Variants in LIN54 observed in about 807,000 individuals in gnomAD.
LIN54 encodes lin-54 DREAM MuvB core complex component.
A neutral mutation model predicts 78.7 loss-of-function variants in LIN54; 9 were observed. The observed-to-expected ratio is 0.11, with a 90% CI of 0.07 to 0.20. The LOEUF (loss-of-function observed/expected upper bound fraction) is 0.20. Ranked by LOEUF, LIN54 falls within the 10% of genes least tolerant of loss-of-function variation. LIN54 has a pLI of 1.00. For missense variants in LIN54, 573 were observed against 889.9 expected (o/e 0.64, Z 4.53); for synonymous variants, 269 against 318.4 (o/e 0.84, Z 1.65).
At chr4:82,936,414 T>C in intron 9 of LIN54, 33 bp from the exon 10 acceptor site, 1 of 1,195,244 alleles carries the variant, frequency 8.4e-7, no homozygotes, top group Non-Finnish European at 1.2e-6. Flanking sequence ...AGGTAAAAAG[T>C]CATTATTAAG....
At chr4:83,010,931 G>A (rs537940227), upstream of LIN54, 93 of 898,074 alleles carry the variant, frequency 1.0e-4, no homozygotes, top group Admixed American at 2.6e-3. Context: ...AAACGCACAA[G>A]GGCCGTGCAA....
At position 82,927,543 on chromosome 4, in the gene LIN54, C is replaced by T. The variant is rs114679245; in HGVS notation, c.*559G>A. 0.011 allele frequency: 1,643 copies of T among 152,308 alleles called. 15 individuals carry two copies. The highest frequency in any genetic ancestry group is 0.017 in the Non-Finnish European group (1,148 of 67,998). The allele number at this position is 152,308 out of a possible 1,614,324, so 9.4% of individuals were successfully genotyped here. A position where few individuals can be genotyped will look rare whatever the true frequency, so the allele number is the denominator to read the frequency against. ...TTTTTAGTGTGCCTGGGGATTGTTT[C>T]CCCTTCTGACATTCCCAAAGTGACA... is the stretch of plus-strand genomic sequence containing the variant. On this transcript the variant is annotated 3_prime_UTR_variant, in exon 13 of 13. Coordinates refer to ENST00000340417, the MANE Select transcript of LIN54 (RefSeq NM_194282.4).
intron 4 of LIN54, among the ~76,000 whole-genome samples, chr4:82,947,235 A>ATATGTATATT: frequency 2.3e-5 from 1 of 44,292 alleles, no homozygotes; most frequent in African/African-American, 1.0e-4. Flanking sequence ...ATATATATAT[A>ATATGTATATT]TTTTTTTTTT....
intron 3 of LIN54, 76 bp downstream of exon 3, chr4:82,978,807 T>C (rs1352458924): frequency 1.3e-4 from 118 of 909,602 alleles, no homozygotes; most frequent in Non-Finnish European, 1.8e-4. Flanking sequence ...TAAAACATTT[T>C]AAGTTGGCAG....
chr4:82,984,371 A>G lies in LIN54; in HGVS notation c.474T>C (p.His158=), dbSNP rs780878120. The G allele has an allele frequency of 2.5e-6, 4 of 1,614,162 alleles. No homozygotes were observed. The highest frequency in any genetic ancestry group is 3.4e-6 in the Non-Finnish European group (4 of 1,180,026). The change falls in exon 2 of 13, where the codon CAT becomes CAC. Residue 158 remains histidine (H), a synonymous_variant. Transcript: ENST00000340417. The stretch of plus-strand genomic sequence containing the variant: ...CTTTCTGAGCCTGGGGTAGTTGGCT[A>G]TGGGGTAGTGCTAAAACAATTGGTG... ...SGSPIVLALP[H]SQLPQAQKVT...
chr4:83,006,142 A>G (rs1729341679), intron 1 of LIN54, among the ~76,000 whole-genome samples: 1 of 114,868 alleles, frequency 8.7e-6, no homozygotes, highest in Non-Finnish European at 2.1e-5. Flanking sequence ...GGACGTAGGG[A>G]GGGGATCAAT....
chr4:82,953,378 G>C lies in LIN54; in HGVS notation c.952-6904C>G, dbSNP rs116176722. ...GAGATGGATGGTTGTGATACTTACA[G>C]AACAATATGAATGTACTTAATATCA... On this transcript the variant is annotated intron_variant, in intron 4 of 12. Transcript: ENST00000340417. 6.8e-3 allele frequency among the ~76,000 whole-genome samples: 1,042 copies of C among 152,222 alleles called. 16 individuals carry two copies. Among genetic ancestry groups the C allele is most frequent in the African/African-American group, 0.024 (1,003 of 41,514 alleles).
At chr4:82,947,223 A>ATT (rs1339545376) in intron 4 of LIN54, among the ~76,000 whole-genome samples, 2 of 17,516 alleles carry the variant, frequency 1.1e-4, no homozygotes, top group African/African-American at 3.5e-4. Context: ...ATATATATAT[A>ATT]TATATATATA....
chr4:82,947,223 A>ATTTT (rs1339545376), intron 4 of LIN54, among the ~76,000 whole-genome samples: 486 of 17,452 alleles, frequency 0.028, 20 homozygotes, highest in African/African-American at 0.084. Flanking sequence ...ATATATATAT[A>ATTTT]TATATATATA....
At chr4:82,966,792 T>TA (rs1220258861) in intron 4 of LIN54, among the ~76,000 whole-genome samples, 1 of 152,040 alleles carries the variant, frequency 6.6e-6, no homozygotes, top group African/African-American at 2.4e-5. Flanking sequence ...GTATTTTTAG[T>TA]AGAGACAGGG....
At chr4:83,008,982 A>G (rs1729640583) in intron 1 of LIN54, among the ~76,000 whole-genome samples, 1 of 152,232 alleles carries the variant, frequency 6.6e-6, no homozygotes, top group African/African-American at 2.4e-5. Flanking sequence ...TGGGTCAAAT[A>G]ACTGCAACAT....
intron 1 of LIN54, among the ~76,000 whole-genome samples, chr4:82,999,412 A>T (rs1243650829): frequency 6.6e-6 from 1 of 152,218 alleles, no homozygotes. Flanking sequence ...CAGTTACACC[A>T]GCAGATACGA....
intron 1 of LIN54, among the ~76,000 whole-genome samples, chr4:82,999,770 T>A (rs537272412): frequency 2.7e-3 from 271 of 99,118 alleles, no homozygotes; most frequent in African/African-American, 0.011. Flanking sequence ...AGGGCGAGAC[T>A]CTGTCTCAAA....
Position 82,946,264 on chromosome 4 carries a change from G to T in LIN54, c.1162C>A (p.Gln388Lys). 1.2e-6 allele frequency: 2 copies of T among 1,612,590 alleles called. No homozygotes were observed. Among genetic ancestry groups the T allele is most frequent in the Non-Finnish European group, 1.7e-6 (2 of 1,178,542 alleles). Residue 388 changes from glutamine to lysine, a missense_variant, in exon 5 of 13, where the codon CAG becomes AAG. Gln to Lys is a moderately conservative substitution (Grantham distance 53). Around this residue, in one of 6 missense-constraint regions of LIN54, gnomAD observed 199 missense variants for 260.9 expected, o/e 0.76. Coordinates refer to ENST00000340417, the MANE Select transcript of LIN54 (RefSeq NM_194282.4). ...QNPSTNTQPL[Q>K]QAKPVVVNTT... ...TTAAAAAATGGTTACTAACCTTGCT[G>T]AAGAGGCTGAGTGTTTGTACTGGGA...
At chr4:82,996,897 C>G (rs1017277748) in intron 1 of LIN54, among the ~76,000 whole-genome samples, 5 of 151,940 alleles carry the variant, frequency 3.3e-5, no homozygotes, top group South Asian at 2.1e-4. Flanking sequence ...AAAAAAGTAT[C>G]TAAAATAGGA....
chr4:82,962,600 C>CT (rs1048327244), intron 4 of LIN54, among the ~76,000 whole-genome samples: 10 of 150,958 alleles, frequency 6.6e-5, no homozygotes, highest in African/African-American at 2.4e-4. Flanking sequence ...GATGGGAACT[C>CT]TAAGAGTCAA....
rs145069883 is a variant in LIN54 at position 82,985,128 on chromosome 4, T to C, written c.-32-252A>G. 2.0e-5 allele frequency among the ~76,000 whole-genome samples: 3 copies of C among 152,296 alleles called. No individual in the cohort carries two copies. In the East Asian group the frequency reaches 5.8e-4, roughly 29 times the overall value. On this transcript the variant is annotated intron_variant, in intron 1 of 12. Coordinates refer to ENST00000340417, the MANE Select transcript of LIN54 (RefSeq NM_194282.4). ...ACTCTCGTCTCAATCCACAAGTATCTTGCACTCAGGCAACACTAAGTCACA... is the reference window on the plus strand; with the variant it reads ...ACTCTCGTCTCAATCCACAAGTATCCTGCACTCAGGCAACACTAAGTCACA...
chr4:82,985,240 CCT>C (rs1378944742), intron 1 of LIN54, among the ~76,000 whole-genome samples: 3 of 152,106 alleles, frequency 2.0e-5, no homozygotes, highest in Non-Finnish European at 4.4e-5. Context: ...AGATTTTTTT[CCT>C]CTCATTGACA....
At chr4:82,942,858 GCGCACACACA>G (rs1434361003) in intron 5 of LIN54, among the ~76,000 whole-genome samples, 108 of 38,406 alleles carry the variant, frequency 2.8e-3, no homozygotes, top group African/African-American at 0.025. Context: ...GCGTGTGCGC[GCGCACACACA>G]CACACACACA....
Sources: gnomAD v4.1 joint callset for allele counts (sites outside exome capture counted in the v4.1 genomes callset) on GRCh38, gnomAD v4.1.1 for gene constraint, gnomAD v4.1.1 regional missense constraint, MANE v1.5 for transcripts, NCBI Gene and HGNC (gene_info 2026-07-23, HGNC 2026-07-21) for gene names.